The following HMGA2 variants were observed in gnomAD, a reference collection of about 807,000 sequenced individuals.
HMGA2 encodes the protein high mobility group AT-hook 2.
A neutral mutation model predicts 19.1 loss-of-function variants in HMGA2; 8 were observed. The observed-to-expected ratio is 0.42, with a 90% CI of 0.25 to 0.76. HMGA2 has a LOEUF of 0.76. Among genes scored for constraint, HMGA2 ranks in the 30% least tolerant of loss-of-function variants. The pLI is 0.28. For missense variants in HMGA2, 109 were observed against 136.3 expected, an observed-to-expected ratio of 0.80 and a Z score of 1.00; for synonymous variants, 60 against 48.8, an observed-to-expected ratio of 1.23 and a Z score of -0.96.
At chr12:65,881,381 A>G (rs1873375702) in intron 3 of HMGA2, 2 of 258,734 alleles carry the variant, frequency 7.7e-6, no homozygotes, top group South Asian at 1.9e-4. Context: ...TTTCAGATGT[A>G]GCATCTGCCT....
At chr12:65,915,631 T>C (rs1392032028) in intron 3 of HMGA2, 9 of 816,044 alleles carry the variant, frequency 1.1e-5, no homozygotes, top group Middle Eastern at 5.8e-4. Context: ...AGTTTGTCAG[T>C]AACATTTCAT....
intron 3 of HMGA2, chr12:65,867,414 T>A (rs779643453): frequency 2.3e-5 from 10 of 439,032 alleles, no homozygotes; most frequent in Non-Finnish European, 4.6e-5. Context: ...CCAGCACACT[T>A]GGAGTGTCAT....
intron 3 of HMGA2, among the ~76,000 whole-genome samples, chr12:65,853,017 A>G (rs11830234): frequency 0.075 from 11,438 of 152,246 alleles, 889 homozygotes; most frequent in African/African-American, 0.2. Context: ...TGGAGTGGAA[A>G]TGACCTGGAA....
chr12:65,940,089 T>A (rs1049715121), intron 3 of HMGA2, among the ~76,000 whole-genome samples: 10 of 152,258 alleles, frequency 6.6e-5, no homozygotes, highest in African/African-American at 2.2e-4. Context: ...TAATCAAATA[T>A]TATAGCAGGT....
chr12:65,886,377 T>G (rs1328143682), intron 3 of HMGA2, among the ~76,000 whole-genome samples: 5 of 151,278 alleles, frequency 3.3e-5, no homozygotes, highest in African/African-American at 9.7e-5. Flanking sequence ...TTTTTTTTTT[T>G]GAGACCGAGT....
At chr12:65,879,476 T>C (rs1266240078) in intron 3 of HMGA2, among the ~76,000 whole-genome samples, 1 of 152,150 alleles carries the variant, frequency 6.6e-6, no homozygotes, top group Admixed American at 6.5e-5. Flanking sequence ...ACAAACTATA[T>C]ATAAAGTTTT....
intron 4 of HMGA2, 122 bp from the exon 5 acceptor site, chr12:65,963,123 G>A (rs1382897462): frequency 3.5e-6 from 3 of 852,248 alleles, no homozygotes; most frequent in East Asian, 2.6e-5. Context: ...GCCAGTCATC[G>A]TCATCCTCTT....
intron 3 of HMGA2, among the ~76,000 whole-genome samples, chr12:65,920,508 C>A (rs142249414): frequency 6.6e-6 from 1 of 152,202 alleles, no homozygotes. Flanking sequence ...AATGTCAACT[C>A]GAATTGTATC....
chr12:65,896,418 C>A (rs1874131136), intron 3 of HMGA2, among the ~76,000 whole-genome samples: 1 of 152,200 alleles, frequency 6.6e-6, no homozygotes, highest in Non-Finnish European at 1.5e-5. Context: ...TTTGATGGGG[C>A]TGAGGCATTA....
At chr12:65,892,673 C>T (rs1019517650) in intron 3 of HMGA2, among the ~76,000 whole-genome samples, 2 of 152,042 alleles carry the variant, frequency 1.3e-5, no homozygotes, top group African/African-American at 4.8e-5. Flanking sequence ...GAATCTGATC[C>T]ATGGGAATGG....
intron 3 of HMGA2, among the ~76,000 whole-genome samples, chr12:65,937,509 T>C (rs1875937698): frequency 1.3e-5 from 2 of 152,200 alleles, no homozygotes; most frequent in Admixed American, 1.3e-4. Context: ...GAAGCTCATG[T>C]TAGTTATTTA....
At chr12:65,944,301 T>A (rs2093344311) in intron 3 of HMGA2, among the ~76,000 whole-genome samples, 1 of 152,144 alleles carries the variant, frequency 6.6e-6, no homozygotes, top group Non-Finnish European at 1.5e-5. Flanking sequence ...GCCACAGAGA[T>A]GTGTTATGTA....
intron 2 of HMGA2, among the ~76,000 whole-genome samples, chr12:65,837,050 C>A (rs556527757): frequency 6.6e-6 from 1 of 152,220 alleles, no homozygotes; most frequent in African/African-American, 2.4e-5. Flanking sequence ...GTATACCTAA[C>A]CTATCTAAGA....
At chr12:65,928,257 C>A (rs796730895) in intron 3 of HMGA2, among the ~76,000 whole-genome samples, 1 of 151,700 alleles carries the variant, frequency 6.6e-6, no homozygotes, top group Non-Finnish European at 1.5e-5. Context: ...CAAAACATAT[C>A]TAAACATAGA....
At chr12:65,893,443 A>G (rs574295817) in intron 3 of HMGA2, among the ~76,000 whole-genome samples, 2 of 152,352 alleles carry the variant, frequency 1.3e-5, no homozygotes, top group East Asian at 3.9e-4. Flanking sequence ...CTGAGGGTAC[A>G]AGTTTCAAAT....
At chr12:65,962,766 G>T (rs1876786614) in intron 4 of HMGA2, among the ~76,000 whole-genome samples, 3 of 152,252 alleles carry the variant, frequency 2.0e-5, no homozygotes, top group Admixed American at 2.0e-4. Context: ...AGGTGCCTAA[G>T]CATCTGGTAA....
At chr12:65,914,333 G>A (rs533065514) in intron 3 of HMGA2, among the ~76,000 whole-genome samples, 16 of 152,054 alleles carry the variant, frequency 1.1e-4, no homozygotes, top group South Asian at 4.2e-4. Context: ...ATGAGTTCAC[G>A]TCCTTTGTAG....
At chr12:65,873,100 G>T (rs1872790325) in intron 3 of HMGA2, among the ~76,000 whole-genome samples, 1 of 152,086 alleles carries the variant, frequency 6.6e-6, no homozygotes, top group Non-Finnish European at 1.5e-5. Context: ...CTTCCTGTTT[G>T]CCTCATGGGA....
intron 3 of HMGA2, chr12:65,855,797 C>CACA (rs1324143970): frequency 6.5e-6 from 1 of 153,818 alleles, no homozygotes; most frequent in Non-Finnish European, 1.4e-5. Flanking sequence ...TTATGGGATT[C>CACA]TTTTGGAGAA....
Sources: gnomAD v4.1 joint callset for allele counts (sites outside exome capture counted in the v4.1 genomes callset) on GRCh38, gnomAD v4.1.1 for gene constraint, MANE v1.5 for transcripts, NCBI Gene and HGNC (gene_info 2026-07-23, HGNC 2026-07-21) for gene names.